The following GALNT13 variants were observed in gnomAD, a reference collection of about 807,000 sequenced individuals.
GALNT13 encodes UDP-GalNAc:polypeptide N-acetylgalactosaminyltransferase 13.
GALNT13 carries 28 observed loss-of-function variants against 64.2 expected under a neutral mutation model. The ratio of observed to expected loss-of-function variants is 0.44; its 90% CI spans 0.32 to 0.60. The LOEUF is 0.60. GALNT13 is among the 20% of genes least tolerant of loss of function. The probability of loss-of-function intolerance (pLI) is 0.05; values close to 1 mark genes in which losing one functional copy is unlikely to be tolerated. For synonymous variants in GALNT13, 214 were observed against 224.6 expected, an observed-to-expected ratio of 0.95 and a Z score of 0.42; for missense variants, 577 against 669.8, an observed-to-expected ratio of 0.86 and a Z score of 1.53.
chr2:153,895,984 A>G (rs539223820), intron 1 of GALNT13, among the ~76,000 whole-genome samples: 133 of 150,328 alleles, frequency 8.8e-4, no homozygotes, highest in African/African-American at 3.1e-3. Flanking sequence ...GTAAAAAGAG[A>G]ATATAATCAT....
At chr2:154,012,729 A>C (rs1696733496) in intron 3 of GALNT13, among the ~76,000 whole-genome samples, 1 of 152,082 alleles carries the variant, frequency 6.6e-6, no homozygotes, top group African/African-American at 2.4e-5. Flanking sequence ...TTCTTCACAT[A>C]ATCTCACATT....
At chr2:153,836,971 T>C in the GALNT13 span, among the ~76,000 whole-genome samples, 151,356 of 151,900 alleles carry the variant, frequency 1, 75,409 homozygotes, top group East Asian at 1. Context: ...TAAACATACA[T>C]GTGCATGTGT....
At chr2:153,997,543 A>T (rs540895739) in intron 3 of GALNT13, among the ~76,000 whole-genome samples, 65 of 152,142 alleles carry the variant, frequency 4.3e-4, no homozygotes, top group African/African-American at 1.5e-3. Context: ...AACTTTACTG[A>T]TTTCACTTAC....
the GALNT13 span, among the ~76,000 whole-genome samples, chr2:153,213,110 A>G: frequency 4.3e-3 from 662 of 152,344 alleles, 7 homozygotes; most frequent in Middle Eastern, 0.034. Context: ...ATTTTGCCCT[A>G]TTTGCAAGCT....
chr2:154,155,172 A>G (rs929659514), intron 4 of GALNT13, among the ~76,000 whole-genome samples: 5 of 152,074 alleles, frequency 3.3e-5, no homozygotes, highest in Admixed American at 3.3e-4. Flanking sequence ...GAGATCAGAA[A>G]TTCAATTAAT....
At chr2:153,674,883 G>A in the GALNT13 span, among the ~76,000 whole-genome samples, 93 of 152,108 alleles carry the variant, frequency 6.1e-4, no homozygotes, top group African/African-American at 1.9e-3. Context: ...AAAATTGAGC[G>A]AAGGATATGA....
At chr2:153,540,029 A>G in the GALNT13 span, among the ~76,000 whole-genome samples, 4 of 152,244 alleles carry the variant, frequency 2.6e-5, no homozygotes, top group African/African-American at 4.8e-5. Flanking sequence ...CCAAATGTTA[A>G]TTGCCAAGAC....
chr2:153,150,939 T>C, the GALNT13 span, among the ~76,000 whole-genome samples: 2 of 152,104 alleles, frequency 1.3e-5, no homozygotes, highest in African/African-American at 4.8e-5. Flanking sequence ...TGGCTTAGGA[T>C]TGACTTGGCA....
At chr2:153,533,530 G>A in the GALNT13 span, among the ~76,000 whole-genome samples, 2 of 151,802 alleles carry the variant, frequency 1.3e-5, no homozygotes, top group Non-Finnish European at 2.9e-5. Context: ...GATTACAGGC[G>A]TGAGCCACTA....
the GALNT13 span, among the ~76,000 whole-genome samples, chr2:153,816,360 G>A: frequency 2.6e-5 from 4 of 152,086 alleles, no homozygotes; most frequent in Admixed American, 6.6e-5. Context: ...CAACTTTTTT[G>A]TGTTCCAGAA....
At chr2:154,427,304 C>T (rs1322849952) in intron 11 of GALNT13, among the ~76,000 whole-genome samples, 1 of 152,176 alleles carries the variant, frequency 6.6e-6, no homozygotes, top group Non-Finnish European at 1.5e-5. Context: ...CAGTATTGTC[C>T]AATTCCAAAT....
At chr2:154,137,302 A>AACACACAC (rs112665813) in intron 3 of GALNT13, among the ~76,000 whole-genome samples, 9,195 of 148,920 alleles carry the variant, frequency 0.062, 367 homozygotes, top group Middle Eastern at 0.12. Flanking sequence ...ACACAGGCAA[A>AACACACAC]ACACACACAC....
intron 8 of GALNT13, among the ~76,000 whole-genome samples, chr2:154,277,737 A>G (rs1411549228): frequency 1.3e-5 from 2 of 152,198 alleles, no homozygotes; most frequent in African/African-American, 4.8e-5. Context: ...GTTGATTTTC[A>G]GTACTACCCT....
the GALNT13 span, among the ~76,000 whole-genome samples, chr2:153,412,851 G>A: frequency 6.6e-6 from 1 of 152,150 alleles, no homozygotes; most frequent in Non-Finnish European, 1.5e-5. Flanking sequence ...AGATGGGTTG[G>A]AGATATTTCT....
chr2:154,273,751 CATG>C (rs1202708457), intron 8 of GALNT13, among the ~76,000 whole-genome samples: 4 of 152,202 alleles, frequency 2.6e-5, no homozygotes, highest in Non-Finnish European at 5.9e-5. Flanking sequence ...GTAATGTTCA[CATG>C]ATAATGAAAT....
chr2:154,172,655 T>A (rs1335406816), intron 4 of GALNT13, among the ~76,000 whole-genome samples: 3 of 150,616 alleles, frequency 2.0e-5, no homozygotes, highest in Non-Finnish European at 3.0e-5. Flanking sequence ...TTCTAGAGTG[T>A]GTGTGTGTGT....
chr2:153,838,688 G>GTTTT, the GALNT13 span, among the ~76,000 whole-genome samples: 2 of 151,874 alleles, frequency 1.3e-5, no homozygotes, highest in African/African-American at 4.8e-5. Context: ...TTTAAAATCA[G>GTTTT]GTAGTGTGAT....
chr2:154,284,206 A>T (rs1344726979), intron 8 of GALNT13, among the ~76,000 whole-genome samples: 1 of 152,170 alleles, frequency 6.6e-6, no homozygotes, highest in Non-Finnish European at 1.5e-5. Context: ...AGTGCAATAG[A>T]TCACTAAAAC....
At chr2:153,907,875 G>A (rs1005873319) in intron 2 of GALNT13, among the ~76,000 whole-genome samples, 4 of 152,050 alleles carry the variant, frequency 2.6e-5, no homozygotes, top group Non-Finnish European at 4.4e-5. Flanking sequence ...ACATATGTGT[G>A]CATGTGTCTT....
Sources: allele counts gnomAD v4.1 joint callset (sites outside exome capture counted in the v4.1 genomes callset), GRCh38; gene constraint gnomAD v4.1.1; transcripts MANE v1.5; gene names NCBI Gene and HGNC (gene_info 2026-07-23, HGNC 2026-07-21).